The following DNAJB4 variants were observed in gnomAD, a reference collection of about 807,000 sequenced individuals.
DNAJB4 encodes the protein DnaJ heat shock protein family (Hsp40) member B4.
A neutral mutation model predicts 26.6 loss-of-function variants in DNAJB4; 10 were observed. The observed-to-expected ratio is 0.38, with a 90% CI of 0.23 to 0.64. The LOEUF (loss-of-function observed/expected upper bound fraction) is 0.64, where lower values mean the gene tolerates loss of function less well. DNAJB4 is among the 30% of genes least tolerant of loss of function. The probability of loss-of-function intolerance (pLI) is 0.58; values close to 1 mark genes in which losing one functional copy is unlikely to be tolerated. For synonymous variants in DNAJB4, 136 were observed against 134.8 expected (o/e 1.01, Z -0.06); for missense variants, 328 against 408.2 (o/e 0.80, Z 1.69).
chr1:78,011,308 A>G (rs1263023077), intron 1 of DNAJB4, among the ~76,000 whole-genome samples: 1 of 152,174 alleles, frequency 6.6e-6, no homozygotes, highest in Non-Finnish European at 1.5e-5. Context: ...CAAAGTTTAC[A>G]GCTCTTGATT....
intron 1 of DNAJB4, among the ~76,000 whole-genome samples, chr1:78,008,648 A>G (rs185925434): frequency 2.0e-3 from 307 of 152,322 alleles, no homozygotes; most frequent in Non-Finnish European, 2.7e-3. Context: ...AATGTTCTAT[A>G]ACTGGATTGT....
chr1:78,014,512 C>T (rs978332501), intron 2 of DNAJB4, among the ~76,000 whole-genome samples: 2 of 152,080 alleles, frequency 1.3e-5, no homozygotes, highest in Non-Finnish European at 2.9e-5. Context: ...ACCATAAAGT[C>T]CAAACTCTTT....
In DNAJB4 at chr1:78,013,373, G is replaced by T. The variant is rs1257858279; in HGVS notation, c.534G>T (p.Arg178=). ...AGATATATAGTGGTTGTACCAAACG[G>T]ATGAAGATTTCTCGAAAAAGGCTAA... ...LEEIYSGCTK[R]MKISRKRLNA... The change falls in exon 2 of 3, where the codon CGG becomes CGT. Residue 178 remains arginine (R), a synonymous_variant. Coordinates refer to ENST00000370763, the MANE Select transcript of DNAJB4 (RefSeq NM_007034.5). 3.7e-6 allele frequency: 6 copies of T among 1,614,174 alleles called. No homozygotes were observed. The South Asian group carries it at 6.6e-5, about 18-fold the overall frequency.
At chr1:77,991,807 T>C (rs182162295) in intron 1 of DNAJB4, among the ~76,000 whole-genome samples, 2 of 152,328 alleles carry the variant, frequency 1.3e-5, no homozygotes, top group Admixed American at 1.3e-4. Flanking sequence ...AAGAAGGCTG[T>C]GATGTGCCTT....
intron 1 of DNAJB4, among the ~76,000 whole-genome samples, chr1:77,985,183 G>A (rs530786554): frequency 2.6e-5 from 4 of 152,244 alleles, no homozygotes; most frequent in African/African-American, 9.6e-5. Flanking sequence ...GAAAGATCAA[G>A]GATCTTTGCC....
At chr1:78,012,473 T>C (rs1426523075) in intron 1 of DNAJB4, among the ~76,000 whole-genome samples, 1 of 151,314 alleles carries the variant, frequency 6.6e-6, no homozygotes, top group Non-Finnish European at 1.5e-5. Flanking sequence ...TATTTTATTT[T>C]TCTTACTTAC....
intron 1 of DNAJB4, among the ~76,000 whole-genome samples, chr1:78,010,374 T>C (rs1168820015): frequency 6.6e-6 from 1 of 152,068 alleles, no homozygotes; most frequent in Non-Finnish European, 1.5e-5. Context: ...CTACATATTA[T>C]TCTATCATTA....
At position 78,016,135 on chromosome 1, in the gene DNAJB4, C is replaced by T; in HGVS notation, c.902C>T (p.Pro301Leu). The change falls in exon 3 of 3, where the codon CCA (proline) becomes CTA (leucine). Residue 301 changes from proline (P) to leucine (L), a missense_variant. Coordinates refer to ENST00000370763, the MANE Select transcript of DNAJB4 (RefSeq NM_007034.5). ...RRIIGYGLPF[P>L]KNPDQRGDLL... Reference sequence around the variant, plus strand: ...ATTATTGGATATGGGCTGCCATTTCCAAAAAATCCTGACCAACGTGGTGAC... The same window carrying T: ...ATTATTGGATATGGGCTGCCATTTCTAAAAAATCCTGACCAACGTGGTGAC... 1 of 1,614,026 alleles carries T rather than the reference C, an allele frequency of 6.2e-7. No homozygotes were observed. Among genetic ancestry groups the T allele is most frequent in the Non-Finnish European group, 8.5e-7 (1 of 1,179,996 alleles).
chr1:77,997,884 C>T (rs904801889), intron 1 of DNAJB4, among the ~76,000 whole-genome samples: 1 of 152,090 alleles, frequency 6.6e-6, no homozygotes, highest in Non-Finnish European at 1.5e-5. Context: ...ACCTCCCAGG[C>T]CCAAATGATC....
At chr1:78,004,522 AACAG>A (rs142814717), upstream of DNAJB4, 4,200 of 152,410 alleles carry the variant, frequency 0.028, 101 homozygotes, top group South Asian at 0.12. Flanking sequence ...TTATATACTT[AACAG>A]ACAAATAGCT....
Position 78,013,501 on chromosome 1 carries a change from A to G in DNAJB4, c.662A>G (p.Asp221Gly), listed in dbSNP as rs1475451191. ...GTKITFPREG[D>G]ETPNSIPADI... is the part of the protein sequence containing the mutation. The stretch of plus-strand genomic sequence containing the variant: ...AAAATTACTTTTCCAAGAGAAGGAG[A>G]TGAAACACCAAATAGTATTCCAGCA... The change falls in exon 2 of 3, where the codon GAT becomes GGT. Residue 221 changes from aspartate (D) to glycine (G), a missense_variant. By Grantham distance (94) the Asp-to-Gly change is moderately conservative. Transcript: ENST00000370763. 1 of 1,614,116 alleles carries G rather than the reference A, an allele frequency of 6.2e-7. No homozygotes were observed. The highest frequency in any genetic ancestry group is 8.5e-7 in the Non-Finnish European group (1 of 1,180,018).
At chr1:77,979,406 C>T (rs1051185132), upstream of DNAJB4, 5 of 189,680 alleles carry the variant, frequency 2.6e-5, no homozygotes, top group Admixed American at 1.8e-4. Flanking sequence ...CCGGTCGCTG[C>T]CTCAGGGAGG....
rs563930938 is a variant in DNAJB4, at chr1:78,005,531, A to G, written c.211+210A>G. 3.3e-5 allele frequency among the ~76,000 whole-genome samples: 5 copies of G among 152,276 alleles called. No homozygotes were observed. The South Asian group carries it at 1.0e-3, about 32-fold the overall frequency. On this transcript the variant is annotated intron_variant, in intron 1 of 2. Transcript: ENST00000370763. ...ATGAGTATTGCAGAGCCATGAATGA[A>G]ATGTCCTTGTTTGCCTTTTTTATTT...
At chr1:78,003,710 G>A (rs1660247348), upstream of DNAJB4, among the ~76,000 whole-genome samples, 2 of 152,080 alleles carry the variant, frequency 1.3e-5, no homozygotes, top group African/African-American at 2.4e-5. Context: ...GGAGATAAAA[G>A]ATGAGTTATA....
chr1:78,011,485 CTT>C (rs34009878), intron 1 of DNAJB4, among the ~76,000 whole-genome samples: 251 of 125,582 alleles, frequency 2.0e-3, no homozygotes, highest in Middle Eastern at 3.9e-3. Flanking sequence ...TATTTTAATT[CTT>C]TTTTTTTTTT....
chr1:78,016,141 A>C lies in DNAJB4; in HGVS notation c.908A>C (p.Asn303Thr). Residue 303 changes from asparagine (N) to threonine (T), a missense_variant, in exon 3 of 3, where the codon AAT becomes ACT. Physicochemically the swap from Asn to Thr is moderately conservative, Grantham distance 65. Coordinates refer to ENST00000370763, the MANE Select transcript of DNAJB4 (RefSeq NM_007034.5). ...IIGYGLPFPKNPDQRGDLLIE... is the reference protein window; with the variant it reads ...IIGYGLPFPKTPDQRGDLLIE... ...GGATATGGGCTGCCATTTCCAAAAA[A>C]TCCTGACCAACGTGGTGACCTTCTA... The C allele has an allele frequency of 6.2e-7, 1 of 1,614,182 alleles. No individual in the cohort carries two copies.
At chr1:78,004,755 AAT>A, upstream of DNAJB4, 1 of 211,246 alleles carries the variant, frequency 4.7e-6, no homozygotes, top group Non-Finnish European at 9.5e-6. Context: ...TCGGAAAATG[AAT>A]AGTTAATCGT....
At chr1:77,993,600 C>T (rs937771393) in intron 1 of DNAJB4, among the ~76,000 whole-genome samples, 4 of 152,138 alleles carry the variant, frequency 2.6e-5, no homozygotes, top group Admixed American at 1.3e-4. Flanking sequence ...TAGGCATGAG[C>T]CACCGTGCCT....
intron 1 of DNAJB4, among the ~76,000 whole-genome samples, chr1:78,008,270 T>C (rs1008241105): frequency 6.6e-6 from 1 of 152,174 alleles, no homozygotes; most frequent in East Asian, 1.9e-4. Context: ...CAAAAACATG[T>C]CCACACAAAG....
Sources: allele counts gnomAD v4.1 joint callset (sites outside exome capture counted in the v4.1 genomes callset), GRCh38; gene constraint gnomAD v4.1.1; transcripts MANE v1.5; gene names NCBI Gene and HGNC (gene_info 2026-07-23, HGNC 2026-07-21).